NPAS3: variants seen among roughly 807,000 people sequenced by gnomAD.
NPAS3 encodes neuronal PAS domain protein 3, also known as neuronal PAS domain-containing protein 3.
In NPAS3, 14 loss-of-function variants were observed where a neutral mutation model predicts 73.1. The observed-to-expected ratio is 0.19, with a 90% CI of 0.13 to 0.30. The LOEUF is 0.30. NPAS3 is among the 10% of genes least tolerant of loss of function. NPAS3 has a pLI of 1.00. For missense variants in NPAS3, 1,096 were observed against 1,250.0 expected (o/e 0.88, Z 1.86); for synonymous variants, 620 against 541.5 (o/e 1.14, Z -2.01).
intron 6 of NPAS3, among the ~76,000 whole-genome samples, chr14:33,727,399 G>A (rs946595467): frequency 6.6e-6 from 1 of 152,112 alleles, no homozygotes; most frequent in Non-Finnish European, 1.5e-5. Flanking sequence ...AAATATATTT[G>A]TAGCTCATAA....
At chr14:33,713,896 C>A (rs4982107) in intron 6 of NPAS3, among the ~76,000 whole-genome samples, 31,844 of 152,038 alleles carry the variant, frequency 0.21, 3,919 homozygotes, top group Admixed American at 0.39. Context: ...CTGCTGTGTC[C>A]ACATTGGCCT....
chr14:33,722,367 G>A (rs1030715796), intron 6 of NPAS3, among the ~76,000 whole-genome samples: 1 of 152,144 alleles, frequency 6.6e-6, no homozygotes, highest in South Asian at 2.1e-4. Context: ...GAAAGGGGGG[G>A]TAATTCTAGG....
chr14:32,998,002 C>T (rs147839856), intron 1 of NPAS3, among the ~76,000 whole-genome samples: 9 of 152,286 alleles, frequency 5.9e-5, no homozygotes, highest in Non-Finnish European at 1.0e-4. Context: ...GAATTACCTT[C>T]GTACCCAGAA....
chr14:33,440,586 G>C (rs2049201390), intron 4 of NPAS3, among the ~76,000 whole-genome samples: 1 of 152,102 alleles, frequency 6.6e-6, no homozygotes, highest in South Asian at 2.1e-4. Context: ...CTTACTCCAA[G>C]GGGACAGGAA....
intron 2 of NPAS3, among the ~76,000 whole-genome samples, chr14:33,177,068 C>CTTT (rs1555350272): frequency 4.8e-3 from 336 of 70,700 alleles, no homozygotes; most frequent in African/African-American, 0.016. Flanking sequence ...GGCTGTTTAT[C>CTTT]TTTTTATTAT....
At position 32,999,034 on chromosome 14, in the gene NPAS3, C is replaced by T. The variant is rs544400285; in HGVS notation, c.51-56871C>T. On this transcript the variant is annotated intron_variant, in intron 1 of 11. Transcript: ENST00000356141. ...ATGTTTCTATTCCTCATGCCCAGTA[C>T]ATGCCAGGGAACATAGTGGGTACTC... Among the ~76,000 whole-genome samples, 19 of 152,300 alleles carry T rather than the reference C, an allele frequency of 1.2e-4. 2 individuals are homozygous for T. The South Asian group carries it at 3.9e-3, about 32-fold the overall frequency.
At chr14:33,719,139 G>A (rs912931628) in intron 6 of NPAS3, among the ~76,000 whole-genome samples, 7 of 152,082 alleles carry the variant, frequency 4.6e-5, no homozygotes, top group Non-Finnish European at 1.0e-4. Context: ...ATCCCCAGTT[G>A]CTAAGCCTGG....
chr14:32,968,357 T>C (rs1429227871), intron 1 of NPAS3, among the ~76,000 whole-genome samples: 3 of 152,188 alleles, frequency 2.0e-5, no homozygotes, highest in Non-Finnish European at 4.4e-5. Flanking sequence ...ATATCTATTA[T>C]TATGTGTCAA....
intron 2 of NPAS3, among the ~76,000 whole-genome samples, chr14:33,186,652 CT>C (rs2045984962): frequency 6.6e-6 from 1 of 152,188 alleles, no homozygotes; most frequent in Non-Finnish European, 1.5e-5. Flanking sequence ...GCTTGTTCAG[CT>C]GTATAATCAG....
intron 6 of NPAS3, among the ~76,000 whole-genome samples, chr14:33,683,060 TC>T (rs1555312615): frequency 8.3e-5 from 1 of 11,984 alleles, no homozygotes; most frequent in South Asian, 4.4e-3. Context: ...ACTAACTTTC[TC>T]TTCTCTTTCA....
At chr14:33,442,716 T>C (rs2049310720) in intron 4 of NPAS3, among the ~76,000 whole-genome samples, 1 of 152,252 alleles carries the variant, frequency 6.6e-6, no homozygotes. Context: ...CCAGCCATAC[T>C]GAACTGTGAG....
intron 5 of NPAS3, among the ~76,000 whole-genome samples, chr14:33,630,048 A>C (rs1595314516): frequency 6.6e-6 from 1 of 152,274 alleles, no homozygotes; most frequent in East Asian, 1.9e-4. Flanking sequence ...TTCAGCCATA[A>C]CCTTGAACTA....
intron 3 of NPAS3, among the ~76,000 whole-genome samples, chr14:33,258,041 C>G (rs961871647): frequency 1.3e-5 from 2 of 152,150 alleles, no homozygotes; most frequent in African/African-American, 4.8e-5. Context: ...AGTAGCACAG[C>G]AAAGTAATTG....
chr14:33,043,675 T>G (rs2040414797), intron 1 of NPAS3, among the ~76,000 whole-genome samples: 1 of 152,186 alleles, frequency 6.6e-6, no homozygotes, highest in African/African-American at 2.4e-5. Context: ...CTGTTAACTC[T>G]TACTGCAGTT....
intron 3 of NPAS3, among the ~76,000 whole-genome samples, chr14:33,254,194 A>G (rs956274964): frequency 1.3e-5 from 2 of 151,970 alleles, no homozygotes; most frequent in Non-Finnish European, 2.9e-5. Context: ...CAGCTTCCAT[A>G]GTCCTCCGTG....
Position 32,957,387 on chromosome 14 carries a change from T to G in NPAS3, c.50+18021T>G, listed in dbSNP as rs985540782. Among the ~76,000 whole-genome samples the G allele has an allele frequency of 3.2e-3, 486 of 151,654 alleles. 1 individual carries two copies. Among genetic ancestry groups the G allele is most frequent in the Non-Finnish European group, 4.0e-3 (270 of 67,846 alleles). On this transcript the variant is annotated intron_variant, in intron 1 of 11. Coordinates refer to ENST00000356141, the Ensembl canonical transcript of NPAS3. ...ATTCATTTTCATTTTTTTTTTTTTT[T>G]TGGAAATGGAGTCTCGCTCTGTGGC...
intron 4 of NPAS3, among the ~76,000 whole-genome samples, chr14:33,544,689 T>A (rs1416974315): frequency 3.4e-5 from 5 of 145,824 alleles, no homozygotes; most frequent in African/African-American, 1.3e-4. Context: ...TGTGACAGAA[T>A]AAGTTTCTGT....
At chr14:33,745,898 G>A (rs1039760405) in intron 7 of NPAS3, among the ~76,000 whole-genome samples, 4 of 152,188 alleles carry the variant, frequency 2.6e-5, no homozygotes, top group African/African-American at 9.7e-5. Context: ...CTTTGGGATT[G>A]ATTTAGCATC....
chr14:33,303,939 G>A (rs1463436542), intron 3 of NPAS3, among the ~76,000 whole-genome samples: 8 of 152,022 alleles, frequency 5.3e-5, no homozygotes, highest in East Asian at 1.9e-4. Context: ...ACGGAGTCTC[G>A]CTCTGTTGCC....
Sources: allele counts gnomAD v4.1 joint callset (sites outside exome capture counted in the v4.1 genomes callset), GRCh38; gene constraint gnomAD v4.1.1; transcripts MANE v1.5; gene names NCBI Gene and HGNC (gene_info 2026-07-23, HGNC 2026-07-21).